Variants in THSD4 observed in about 807,000 individuals in gnomAD.
THSD4 encodes thrombospondin type-1 domain-containing protein 4.
In THSD4, 69 loss-of-function variants were observed where a neutral mutation model predicts 119.0. The ratio of observed to expected loss-of-function variants is 0.58; its 90% confidence interval spans 0.48 to 0.71. The LOEUF is 0.71. Ranked by LOEUF, THSD4 falls within the 30% of genes least tolerant of loss-of-function variation. The pLI, the probability that THSD4 is intolerant of heterozygous loss-of-function variation, is 0.00. For missense variants in THSD4, 1,393 were observed against 1,391.1 expected, an observed-to-expected ratio of 1.00 and a Z score of -0.02; for synonymous variants, 524 against 540.4, an observed-to-expected ratio of 0.97 and a Z score of 0.42.
intron 7 of THSD4, among the ~76,000 whole-genome samples, chr15:71,443,474 T>C (rs1332618491): frequency 2.0e-5 from 3 of 152,198 alleles, no homozygotes; most frequent in Non-Finnish European, 2.9e-5. Context: ...CACCTGATGT[T>C]GTTTGGAAGC....
At chr15:71,163,414 A>G (rs1225418583) in intron 3 of THSD4, among the ~76,000 whole-genome samples, 1 of 152,132 alleles carries the variant, frequency 6.6e-6, no homozygotes, top group Non-Finnish European at 1.5e-5. Context: ...GTGTAAAATT[A>G]TAAGAACGCT....
intron 7 of THSD4, among the ~76,000 whole-genome samples, chr15:71,646,698 A>G (rs762865895): frequency 6.6e-6 from 1 of 152,216 alleles, no homozygotes; most frequent in Non-Finnish European, 1.5e-5. Flanking sequence ...AAATAGTGTC[A>G]CTAATTATTA....
intron 7 of THSD4, among the ~76,000 whole-genome samples, chr15:71,486,052 A>G (rs1395623244): frequency 6.6e-6 from 1 of 152,196 alleles, no homozygotes; most frequent in Non-Finnish European, 1.5e-5. Context: ...AAATAATTGC[A>G]TGAGTAAGAG....
At chr15:71,532,719 C>T (rs2048633402) in intron 7 of THSD4, among the ~76,000 whole-genome samples, 1 of 152,202 alleles carries the variant, frequency 6.6e-6, no homozygotes, top group African/African-American at 2.4e-5. Flanking sequence ...TTTGACAAAT[C>T]TCTTAAAACA....
intron 6 of THSD4, among the ~76,000 whole-genome samples, chr15:71,315,939 C>T (rs1194749050): frequency 6.6e-6 from 1 of 152,170 alleles, no homozygotes; most frequent in East Asian, 1.9e-4. Flanking sequence ...ATATATATAG[C>T]CTCATCCTCA....
At chr15:71,518,185 G>A (rs4420484) in intron 7 of THSD4, among the ~76,000 whole-genome samples, 145,865 of 152,238 alleles carry the variant, frequency 0.96, 70,215 homozygotes, top group East Asian at 1. Context: ...TACTTCTTGC[G>A]GGGAAACCTG....
At chr15:71,588,801 G>T (rs149586444) in intron 7 of THSD4, among the ~76,000 whole-genome samples, 6 of 152,162 alleles carry the variant, frequency 3.9e-5, no homozygotes, top group South Asian at 2.1e-4. Context: ...GAATACATGT[G>T]GGGGAGATAG....
chr15:71,687,348 G>A (rs1310240834), intron 8 of THSD4, among the ~76,000 whole-genome samples: 3 of 152,152 alleles, frequency 2.0e-5, no homozygotes, highest in Non-Finnish European at 4.4e-5. Context: ...GGACCAGGAA[G>A]CTATAACCAG....
At chr15:71,212,274 G>C (rs1178667138) in intron 3 of THSD4, among the ~76,000 whole-genome samples, 13 of 152,170 alleles carry the variant, frequency 8.5e-5, no homozygotes, top group Admixed American at 8.5e-4. Flanking sequence ...TTCTCACCAT[G>C]GGGACTCAGA....
At chr15:71,150,480 T>C (rs1469235999) in intron 2 of THSD4, among the ~76,000 whole-genome samples, 1 of 152,208 alleles carries the variant, frequency 6.6e-6, no homozygotes, top group East Asian at 1.9e-4. Context: ...CAAAGAATAA[T>C]TGCCCCTCTG....
At chr15:71,297,096 CATA>C (rs958164987) in intron 6 of THSD4, among the ~76,000 whole-genome samples, 5 of 152,022 alleles carry the variant, frequency 3.3e-5, no homozygotes, top group African/African-American at 7.2e-5. Flanking sequence ...ATTCACATAG[CATA>C]ATATTAACCC....
intron 7 of THSD4, among the ~76,000 whole-genome samples, chr15:71,630,519 T>C (rs929132470): frequency 6.6e-6 from 1 of 152,232 alleles, no homozygotes; most frequent in Non-Finnish European, 1.5e-5. Context: ...AGCATGACTG[T>C]GCAATAGAAT....
At chr15:71,191,434 G>A (rs1383228645) in intron 3 of THSD4, among the ~76,000 whole-genome samples, 1 of 152,202 alleles carries the variant, frequency 6.6e-6, no homozygotes, top group Non-Finnish European at 1.5e-5. Flanking sequence ...TTTCCTTTGT[G>A]CTGCCTCTCA....
intron 6 of THSD4, among the ~76,000 whole-genome samples, chr15:71,365,151 G>A (rs1029681287): frequency 2.0e-4 from 31 of 151,308 alleles, no homozygotes; most frequent in Admixed American, 2.0e-3. Flanking sequence ...GTGTGTGTGT[G>A]TGTGTGTGTG....
Position 71,129,999 on chromosome 15 carries a change from A to C in THSD4, c.-79-11450A>C, listed in dbSNP as rs113467978. ...GGTCAAATGCGTGGAGGCACTGAGA[A>C]AATATCCTGGACTCAAGGGCGGAGC... is the stretch of plus-strand genomic sequence containing the variant. On this transcript the variant is annotated intron_variant, in intron 1 of 17. Coordinates refer to ENST00000261862, the MANE Select transcript of THSD4 (RefSeq NM_024817.3). Among the ~76,000 whole-genome samples, 298 of 152,232 alleles carry C rather than the reference A, an allele frequency of 2.0e-3. 2 individuals are homozygous for C. The highest frequency in any genetic ancestry group is 6.7e-3 in the African/African-American group (279 of 41,544).
At chr15:71,636,300 G>A (rs904743897) in intron 7 of THSD4, among the ~76,000 whole-genome samples, 1 of 152,108 alleles carries the variant, frequency 6.6e-6, no homozygotes, top group African/African-American at 2.4e-5. Context: ...GCAGGTGCCT[G>A]TAATCCCAGC....
At chr15:71,263,195 A>T (rs1187957237) in intron 6 of THSD4, among the ~76,000 whole-genome samples, 1 of 151,548 alleles carries the variant, frequency 6.6e-6, no homozygotes, top group East Asian at 1.9e-4. Context: ...TTTAGCTCCC[A>T]CTTATAAGTG....
chr15:71,777,356 C>T lies in THSD4; in HGVS notation c.3039C>T (p.Gly1013=). The T allele has an allele frequency of 1.2e-6, 2 of 1,614,046 alleles. No homozygotes were observed. The highest frequency in any genetic ancestry group is 1.1e-5 in the South Asian group (1 of 91,078). ...CCCGTGTGGCCAACAGGCAGACGGG[C>T]TTCCTGGGGAGCAGATAACACTCCT... The part of the protein sequence containing the change: ...SCTRVANRQT[G]FLGSR The change falls in exon 18 of 18, where the codon GGC becomes GGT. Residue 1013 remains glycine (G), a synonymous_variant. Coordinates refer to ENST00000261862, the MANE Select transcript of THSD4 (RefSeq NM_024817.3).
At chr15:71,582,419 A>C (rs1426657600) in intron 7 of THSD4, among the ~76,000 whole-genome samples, 1 of 152,144 alleles carries the variant, frequency 6.6e-6, no homozygotes, top group Non-Finnish European at 1.5e-5. Context: ...AGATCATGTC[A>C]TCTGCAAACA....
Sources: allele counts gnomAD v4.1 joint callset (sites outside exome capture counted in the v4.1 genomes callset), GRCh38; gene constraint gnomAD v4.1.1; transcripts MANE v1.5; gene names NCBI Gene and HGNC (gene_info 2026-07-23, HGNC 2026-07-21).